The following PRPSAP1 variants were observed in gnomAD, a reference collection of about 807,000 sequenced individuals.
The protein encoded by PRPSAP1 is phosphoribosyl pyrophosphate synthase-associated protein 1.
A neutral mutation model predicts 39.4 loss-of-function variants in PRPSAP1; 31 were observed. The observed-to-expected ratio is 0.79, with a 90% confidence interval of 0.59 to 1.06. PRPSAP1 has a LOEUF of 1.06. PRPSAP1 is among the 50% of genes least tolerant of loss of function. The probability of loss-of-function intolerance (pLI) is 0.00; values close to 1 mark genes in which losing one functional copy is unlikely to be tolerated. For missense variants in PRPSAP1, 430 were observed against 511.6 expected, an observed-to-expected ratio of 0.84 and a Z score of 1.54; for synonymous variants, 212 against 192.6, an observed-to-expected ratio of 1.10 and a Z score of -0.83.
At chr17:76,333,666 C>T (rs1167525387) in intron 3 of PRPSAP1, among the ~76,000 whole-genome samples, 1 of 132,242 alleles carries the variant, frequency 7.6e-6, no homozygotes, top group Non-Finnish European at 1.6e-5. Flanking sequence ...CAAAACAAAA[C>T]AAACAAAAAA....
At chr17:76,330,794 T>G in intron 4 of PRPSAP1, 128 bp from the exon 5 acceptor site, 1 of 556,758 alleles carries the variant, frequency 1.8e-6, no homozygotes, top group South Asian at 2.5e-5. Context: ...GATTAAGCAC[T>G]GCAGTCACAG....
At chr17:76,326,378 G>A (rs2071256343) in intron 7 of PRPSAP1, among the ~76,000 whole-genome samples, 1 of 148,940 alleles carries the variant, frequency 6.7e-6, no homozygotes. Flanking sequence ...CTTAACATGA[G>A]GTAGTATTAA....
intron 1 of PRPSAP1, among the ~76,000 whole-genome samples, chr17:76,350,302 G>A (rs2071554226): frequency 6.6e-6 from 1 of 151,838 alleles, no homozygotes; most frequent in African/African-American, 2.4e-5. Context: ...AGCCGGGCGT[G>A]GTGGAGGGCG....
At chr17:76,321,675 A>C (rs1028685443) in intron 7 of PRPSAP1, among the ~76,000 whole-genome samples, 6 of 152,174 alleles carry the variant, frequency 3.9e-5, no homozygotes, top group African/African-American at 1.4e-4. Flanking sequence ...ATGGCCTCTA[A>C]GTGTTTAAGT....
intron 1 of PRPSAP1, chr17:76,353,251 GC>G (rs2071599483): frequency 2.5e-6 from 1 of 399,752 alleles, no homozygotes; most frequent in Admixed American, 4.7e-5. Context: ...AGCTCGGCCC[GC>G]CCCGGGGTGT....
chr17:76,331,261 G>A (rs759361062), intron 4 of PRPSAP1, among the ~76,000 whole-genome samples: 1 of 152,156 alleles, frequency 6.6e-6, no homozygotes, highest in Non-Finnish European at 1.5e-5. Context: ...ATGGTCAAAG[G>A]TCACAGCAAA....
At chr17:76,325,457 C>A (rs2071246177) in intron 7 of PRPSAP1, among the ~76,000 whole-genome samples, 1 of 145,482 alleles carries the variant, frequency 6.9e-6, no homozygotes, top group Admixed American at 6.9e-5. Context: ...GGGAAACAGA[C>A]CCCATCTCTT....
intron 2 of PRPSAP1, chr17:76,345,993 A>C (rs1272919245): frequency 4.2e-6 from 2 of 471,188 alleles, no homozygotes; most frequent in African/African-American, 4.1e-5. Flanking sequence ...AAGGGAGAGA[A>C]GGTACCCAAG....
In PRPSAP1 at chr17:76,340,662, G is replaced by A. The variant is rs113678878; in HGVS notation, c.290+4009C>T. ...TGCCAGCACTTTGGGAGGCCGAGGC[G>A]GGCAGATCACTTGAGGTTGGGAGTT... On this transcript the variant is annotated intron_variant, in intron 3 of 9. Transcript: ENST00000446526. Among the ~76,000 whole-genome samples, 456 of 152,040 alleles carry A rather than the reference G, an allele frequency of 3.0e-3. 2 individuals are homozygous for A. The highest frequency in any genetic ancestry group is 4.7e-3 in the Non-Finnish European group (317 of 67,992).
At chr17:76,326,025 T>C (rs1203303249) in intron 7 of PRPSAP1, among the ~76,000 whole-genome samples, 1 of 152,182 alleles carries the variant, frequency 6.6e-6, no homozygotes, top group Admixed American at 6.6e-5. Context: ...TTACATGTGC[T>C]GGGACATCAA....
At chr17:76,322,136 C>T (rs2071204609) in intron 7 of PRPSAP1, among the ~76,000 whole-genome samples, 1 of 152,190 alleles carries the variant, frequency 6.6e-6, no homozygotes, top group African/African-American at 2.4e-5. Context: ...GTAGTTCACA[C>T]CTGTAATCCC....
chr17:76,352,452 T>G (rs1463588143), intron 1 of PRPSAP1, among the ~76,000 whole-genome samples: 4 of 151,864 alleles, frequency 2.6e-5, no homozygotes, highest in African/African-American at 9.7e-5. Context: ...GAAACCATCC[T>G]GGCTAACACG....
intron 7 of PRPSAP1, among the ~76,000 whole-genome samples, chr17:76,320,357 A>AGAAAGATAGAC (rs1567799252): frequency 7.6e-6 from 1 of 131,120 alleles, no homozygotes; most frequent in African/African-American, 3.2e-5. Context: ...GGAAGGAAGA[A>AGAAAGATAGAC]AAAGGAAGAA....
chr17:76,351,050 C>A (rs1176035944), intron 1 of PRPSAP1, among the ~76,000 whole-genome samples: 3 of 151,470 alleles, frequency 2.0e-5, no homozygotes, highest in Non-Finnish European at 4.4e-5. Flanking sequence ...AACAAACAAA[C>A]AAAAAACGGT....
intron 7 of PRPSAP1, among the ~76,000 whole-genome samples, chr17:76,320,281 G>A (rs1463834115): frequency 9.7e-6 from 1 of 103,372 alleles, no homozygotes; most frequent in East Asian, 2.6e-4. Flanking sequence ...AAGAAAGAAA[G>A]AAAAGAAAGA....
chr17:76,341,832 G>A (rs529569383), intron 3 of PRPSAP1, among the ~76,000 whole-genome samples: 9 of 152,220 alleles, frequency 5.9e-5, no homozygotes, highest in East Asian at 3.9e-4. Flanking sequence ...CCAGCTACTC[G>A]GGAGGCTGAG....
intron 7 of PRPSAP1, among the ~76,000 whole-genome samples, chr17:76,319,674 G>A (rs559777267): frequency 2.9e-4 from 44 of 151,502 alleles, no homozygotes; most frequent in Non-Finnish European, 2.8e-4. Flanking sequence ...TCACCGTGTT[G>A]GCCAGGCTGA....
intron 9 of PRPSAP1, among the ~76,000 whole-genome samples, chr17:76,312,312 G>A (rs1206427932): frequency 6.6e-6 from 1 of 151,960 alleles, no homozygotes; most frequent in East Asian, 1.9e-4. Flanking sequence ...TGGCCGGCGC[G>A]TGTAATCCCA....
intron 7 of PRPSAP1, among the ~76,000 whole-genome samples, chr17:76,320,423 C>CTTT (rs71161282): frequency 0.11 from 8,337 of 73,388 alleles, 2,322 homozygotes; most frequent in African/African-American, 0.27. Flanking sequence ...GCAGATAATG[C>CTTT]TTTTTTTTTT....
Sources: gnomAD v4.1 joint callset for allele counts (sites outside exome capture counted in the v4.1 genomes callset) on GRCh38, gnomAD v4.1.1 for gene constraint, MANE v1.5 for transcripts, NCBI Gene and HGNC (gene_info 2026-07-23, HGNC 2026-07-21) for gene names.